ALG1: variants seen among roughly 807,000 people sequenced by gnomAD.
ALG1 encodes the protein ALG1 chitobiosyldiphosphodolichol beta-mannosyltransferase.
ALG1 carries 58 observed loss-of-function variants against 55.1 expected under a neutral mutation model. The ratio of observed to expected loss-of-function variants is 1.05; its 90% CI spans 0.85 to 1.31. The LOEUF (loss-of-function observed/expected upper bound fraction) is 1.31. Among genes scored for constraint, ALG1 ranks in the 50% most tolerant of loss-of-function variants. The pLI is 0.00. For missense variants in ALG1, 761 were observed against 598.6 expected (o/e 1.27, Z -2.83); for synonymous variants, 309 against 247.0 (o/e 1.25, Z -2.35).
In ALG1 at chr16:5,073,267, G is replaced by C. The variant is rs757185979; in HGVS notation, c.390+11G>C. The C allele has an allele frequency of 1.4e-5, 23 of 1,610,962 alleles. 1 individual carries two copies. The highest frequency in any genetic ancestry group is 3.3e-5 in the South Asian group (3 of 90,998). On this transcript the variant is annotated intron_variant, in intron 3 of 12. Coordinates refer to ENST00000262374, the MANE Select transcript of ALG1 (RefSeq NM_019109.5). ...TATATCTTTCTCCAGGTGTGTATCA[G>C]CCTCTGCCTCCCTCTGTGAGAGCCA...
At chr16:5,075,945 G>A (rs866692338) in intron 4 of ALG1, among the ~76,000 whole-genome samples, 1 of 152,172 alleles carries the variant, frequency 6.6e-6, no homozygotes, top group Non-Finnish European at 1.5e-5. Flanking sequence ...GAGGCCAGGG[G>A]GCAAGTGCTC....
At chr16:5,072,239 T>C in intron 1 of ALG1, 182 bp downstream of exon 1, 1 of 1,505,720 alleles carries the variant, frequency 6.6e-7, no homozygotes, top group Non-Finnish European at 8.8e-7. Context: ...TAGCCGGCGT[T>C]AATCTTGCCA....
Position 5,084,825 on chromosome 16 carries a change from C to G in ALG1, c.1339C>G (p.Leu447Val), listed in dbSNP as rs747685015. The change falls in exon 13 of 13, where the codon CTC becomes GTC. Residue 447 changes from leucine (L) to valine (V), a missense_variant. Coordinates refer to ENST00000262374, the MANE Select transcript of ALG1 (RefSeq NM_019109.5). ...GAAGAACCTGCGGGAGTCGCAGCAG[C>G]TCCGATGGGATGAGAGCTGGGTGCA... is the stretch of plus-strand genomic sequence containing the variant. ...FRKNLRESQQ[L>V]RWDESWVQTV... 6.3e-7 allele frequency: 1 copy of G among 1,596,478 alleles called. No individual in the cohort carries two copies.
intron 1 of ALG1, 68 bp downstream of exon 1, chr16:5,072,125 G>T: frequency 1.3e-6 from 2 of 1,548,908 alleles, no homozygotes; most frequent in Non-Finnish European, 8.7e-7. Flanking sequence ...TAACCGCCCC[G>T]GGGAGTCGAG....
At chr16:5,077,595 TGAGA>T in intron 5 of ALG1, 61 bp downstream of exon 5, 1 of 1,505,940 alleles carries the variant, frequency 6.6e-7, no homozygotes, top group Non-Finnish European at 9.2e-7. Context: ...TTGGCTGCAG[TGAGA>T]GCTGCCTTGC....
At chr16:5,072,292 G>T in intron 1 of ALG1, 1 of 1,435,166 alleles carries the variant, frequency 7.0e-7, no homozygotes, top group Non-Finnish European at 9.1e-7. Flanking sequence ...GTGGTCTCAC[G>T]TAATTCTCCT....
chr16:5,073,036 G>T lies in ALG1; in HGVS notation c.286+8G>T, dbSNP rs375987369. The T allele has an allele frequency of 8.1e-6, 13 of 1,613,852 alleles. No homozygotes were observed. Among genetic ancestry groups the T allele is most frequent in the Non-Finnish European group, 8.5e-6 (10 of 1,179,832 alleles). On this transcript the variant is annotated splice_region_variant and intron_variant, in intron 2 of 12. Coordinates refer to ENST00000262374, the MANE Select transcript of ALG1 (RefSeq NM_019109.5). ...AACTTCAGAGTCTTGCAGGTAGGATGCCGTCAACTCCAGAATCCTCTGAAT... is the reference window on the plus strand; with the variant it reads ...AACTTCAGAGTCTTGCAGGTAGGATTCCGTCAACTCCAGAATCCTCTGAAT...
chr16:5,075,297 C>G (rs1956889584), intron 3 of ALG1, 91 bp from the exon 4 acceptor site: 1 of 1,335,268 alleles, frequency 7.5e-7, no homozygotes, highest in Non-Finnish European at 1.1e-6. Context: ...AGATAACAGA[C>G]TCATCACCAT....
Position 5,071,870 on chromosome 16 carries a change from C to CTG in ALG1, c.21_22insTG (p.Leu8CysfsTer29). On this transcript the variant is annotated frameshift_variant, in exon 1 of 13. Coordinates refer to ENST00000262374, the MANE Select transcript of ALG1 (RefSeq NM_019109.5). LOFTEE classifies it high-confidence loss of function. ...CCAAGATGGCGGCCTCATGCTTGGT[C>CTG]CTGCTGGCGCTGTGTCTGCTGCTGC... The CTG allele has an allele frequency of 2.5e-6, 4 of 1,604,880 alleles. No homozygotes were observed. The South Asian group carries it at 4.4e-5, about 18-fold the overall frequency.
At position 5,073,261 on chromosome 16, in the gene ALG1, G is replaced by A. The variant is rs1350902094; in HGVS notation, c.390+5G>A. On this transcript the variant is annotated splice_donor_5th_base_variant and intron_variant, in intron 3 of 12. Coordinates refer to ENST00000262374, the MANE Select transcript of ALG1 (RefSeq NM_019109.5). ...GGTGCCTATATCTTTCTCCAGGTGT[G>A]TATCAGCCTCTGCCTCCCTCTGTGA... 6 of 1,613,238 alleles carry A rather than the reference G, an allele frequency of 3.7e-6. No homozygotes were observed. In the African/African-American group the frequency reaches 8.0e-5, roughly 22 times the overall value.
intron 9 of ALG1, among the ~76,000 whole-genome samples, chr16:5,080,535 C>G (rs1596259135): frequency 6.6e-6 from 1 of 152,238 alleles, no homozygotes; most frequent in African/African-American, 2.4e-5. Flanking sequence ...TCTCCTCCCT[C>G]CTCTGGCCTC....
At position 5,077,924 on chromosome 16, in the gene ALG1, A is replaced by G. The variant is rs1255889806; in HGVS notation, c.647A>G (p.Asp216Gly). The change falls in exon 6 of 13, where the codon GAC (aspartate) becomes GGC (glycine). Residue 216 changes from aspartate (D) to glycine (G), a missense_variant. Physicochemically the swap from Asp to Gly is moderately conservative, Grantham distance 94 (BLOSUM62 -1). Coordinates refer to ENST00000262374, the MANE Select transcript of ALG1 (RefSeq NM_019109.5). ...NWHIRAVTVY[D>G]KPASFFKETP... ...CATTGCAGGGCTGTGACCGTCTACG[A>G]CAAGCCCGCATCTTTCTTTAAAGAG... The G allele has an allele frequency of 5.6e-6, 9 of 1,607,942 alleles. No homozygotes were observed. The highest frequency in any genetic ancestry group is 2.2e-5 in the East Asian group (1 of 44,884).
chr16:5,082,768 G>A (rs1224180965), intron 11 of ALG1, 95 bp downstream of exon 11: 1 of 1,464,262 alleles, frequency 6.8e-7, no homozygotes, highest in Non-Finnish European at 9.4e-7. Flanking sequence ...GTGAGGCCCT[G>A]CCCCTCGGTC....
At position 5,077,917 on chromosome 16, in the gene ALG1, G is replaced by A. The variant is rs1193646420; in HGVS notation, c.640G>A (p.Val214Ile). 12 of 1,608,002 alleles carry A rather than the reference G, an allele frequency of 7.5e-6. No homozygotes were observed. Among genetic ancestry groups the A allele is most frequent in the Admixed American group, 3.3e-5 (2 of 59,986 alleles). ...ADNWHIRAVT[V>I]YDKPASFFKE... ...ATGATTTCATTGCAGGGCTGTGACC[G>A]TCTACGACAAGCCCGCATCTTTCTT... Residue 214 changes from valine to isoleucine, a missense_variant, in exon 6 of 13, where the codon GTC becomes ATC. Transcript: ENST00000262374.
chr16:5,085,393 A>G lies in ALG1; in HGVS notation c.*512A>G, dbSNP rs531718461. On this transcript the variant is annotated 3_prime_UTR_variant, in exon 13 of 13. Coordinates refer to ENST00000262374, the MANE Select transcript of ALG1 (RefSeq NM_019109.5). ...AAGAAAATGCTATTTTTGGAGCCAG[A>G]ATTTTCATGTCTGATTTATGGTGAT... 7 of 555,746 alleles carry G rather than the reference A, an allele frequency of 1.3e-5. No homozygotes were observed. Among genetic ancestry groups the G allele is most frequent in the Non-Finnish European group, 2.0e-5 (6 of 301,558 alleles). The allele number at this position is 555,746 out of a possible 1,614,324, so 34.4% of individuals were successfully genotyped here. A position where few individuals can be genotyped will look rare whatever the true frequency, so the allele number is the denominator to read the frequency against.
At chr16:5,078,136 C>G in intron 6 of ALG1, 119 bp downstream of exon 6, 1 of 1,105,980 alleles carries the variant, frequency 9.0e-7, no homozygotes, top group Non-Finnish European at 1.3e-6. Flanking sequence ...GGCTACAGGC[C>G]AGTCTGCTGC....
intron 1 of ALG1, 21 bp downstream of exon 1, chr16:5,072,078 G>C (rs773460176): frequency 8.1e-7 from 1 of 1,238,914 alleles, no homozygotes; most frequent in African/African-American, 1.7e-5. Context: ...AAGGGTCTGG[G>C]AGGGACGATG....
Position 5,071,989 on chromosome 16 carries a change from C to A in ALG1, c.140C>A (p.Pro47His). The change falls in exon 1 of 13, where the codon CCC (proline) becomes CAC (histidine). Residue 47 changes from proline to histidine, a missense_variant. Transcript: ENST00000262374. The stretch of plus-strand genomic sequence containing the variant: ...GTGCTGGGCGACGTGGGCCGCAGCC[C>A]CCGTATGCAGTACCACGCGCTGTCG... ...AVVLGDVGRSPRMQYHALSLA... is the reference protein window; with the variant it reads ...AVVLGDVGRSHRMQYHALSLA... The A allele has an allele frequency of 1.9e-6, 3 of 1,597,060 alleles. No homozygotes were observed. Among genetic ancestry groups the A allele is most frequent in the East Asian group, 2.3e-5 (1 of 43,972 alleles).
intron 1 of ALG1, 57 bp downstream of exon 1, chr16:5,072,114 C>G (rs1258188428): frequency 2.6e-6 from 4 of 1,549,998 alleles, no homozygotes; most frequent in African/African-American, 1.4e-5. Flanking sequence ...ATCCTCGGTT[C>G]TAACCGCCCC....
Sources: gnomAD v4.1 joint callset for allele counts (sites outside exome capture counted in the v4.1 genomes callset) on GRCh38, gnomAD v4.1.1 for gene constraint, MANE v1.5 for transcripts, NCBI Gene and HGNC (gene_info 2026-07-23, HGNC 2026-07-21) for gene names.